FRMPD4: variants seen among roughly 807,000 people sequenced by gnomAD.
The protein encoded by FRMPD4 is FERM and PDZ domain containing 4, also known as FERM and PDZ domain-containing protein 4.
FRMPD4 carries 22 observed loss-of-function variants against 94.1 expected under a neutral mutation model. The observed-to-expected ratio is 0.23, with a 90% CI of 0.17 to 0.33. The LOEUF (loss-of-function observed/expected upper bound fraction) is 0.33, where lower values mean the gene tolerates loss of function less well. Among genes scored for constraint, FRMPD4 ranks in the 10% least tolerant of loss-of-function variants. The pLI, the probability that FRMPD4 is intolerant of heterozygous loss-of-function variation, is 1.00. For missense variants in FRMPD4, 1,111 were observed against 1,339.9 expected (o/e 0.83, Z 2.67); for synonymous variants, 631 against 548.6 (o/e 1.15, Z -2.10).
intron 3 of FRMPD4, among the ~76,000 whole-genome samples, chrX:11,989,060 T>A (rs1444920013): frequency 8.9e-6 from 1 of 111,900 alleles, no homozygotes; most frequent in Non-Finnish European, 1.9e-5. Flanking sequence ...TTCCTTAATA[T>A]ACTAAAAATA....
At chrX:11,856,907 C>T in intron 1 of FRMPD4, among the ~76,000 whole-genome samples, 2 of 111,668 alleles carry the variant, frequency 1.8e-5, no homozygotes, top group East Asian at 5.6e-4. Context: ...ATCCTAGACA[C>T]CAACAACAGT....
chrX:11,830,921 A>G (rs1420435929), intron 1 of FRMPD4, among the ~76,000 whole-genome samples: 1 of 111,525 alleles, frequency 9.0e-6, no homozygotes, highest in African/African-American at 3.3e-5. Flanking sequence ...GTCTTGCCTT[A>G]TATTTGGCTA....
chrX:12,567,624 G>T (rs917388829), intron 2 of FRMPD4, among the ~76,000 whole-genome samples: 2 of 111,850 alleles, frequency 1.8e-5, no homozygotes, highest in South Asian at 7.5e-4. Context: ...CCTACATGGT[G>T]AGCAGGGGTT....
At chrX:12,195,214 C>T (rs35868112) in intron 1 of FRMPD4, among the ~76,000 whole-genome samples, 28,563 of 111,050 alleles carry the variant, frequency 0.26, 2,992 homozygotes, top group Non-Finnish European at 0.35. Context: ...CTAACTGGAA[C>T]GTCACTAATG....
At chrX:12,645,838 T>A (rs775035155) in intron 4 of FRMPD4, among the ~76,000 whole-genome samples, 3 of 112,296 alleles carry the variant, frequency 2.7e-5, no homozygotes, top group Non-Finnish European at 5.6e-5. Context: ...GATTTTCGCA[T>A]GCATTTTGGT....
intron 2 of FRMPD4, among the ~76,000 whole-genome samples, chrX:12,599,326 A>G (rs1378741266): frequency 8.9e-6 from 1 of 111,751 alleles, no homozygotes; most frequent in East Asian, 2.8e-4. Context: ...ACATATGAGT[A>G]ATCAATTAAG....
At chrX:12,545,949 C>T (rs1162508610) in intron 2 of FRMPD4, among the ~76,000 whole-genome samples, 1 of 112,331 alleles carries the variant, frequency 8.9e-6, no homozygotes. Context: ...TTTTATCGTG[C>T]AACAGTTAAT....
At chrX:12,715,997 A>T in intron 14 of FRMPD4, 72 bp from the exon 15 acceptor site, 1 of 387,123 alleles carries the variant, frequency 2.6e-6, no homozygotes, top group Non-Finnish European at 4.6e-6. Flanking sequence ...AACAGAGACG[A>T]GCCTCCCACC....
intron 1 of FRMPD4, among the ~76,000 whole-genome samples, chrX:11,849,678 G>GTT (rs200493437): frequency 0.017 from 1,641 of 98,198 alleles, 48 homozygotes; most frequent in African/African-American, 0.057. Context: ...GAAAGGACAG[G>GTT]TTTTTTTTTT....
At chrX:12,003,957 A>G (rs911358561) in intron 3 of FRMPD4, among the ~76,000 whole-genome samples, 4 of 111,768 alleles carry the variant, frequency 3.6e-5, no homozygotes, top group African/African-American at 1.3e-4. Context: ...AATCTGCCTC[A>G]TCTCTCCTTC....
intron 3 of FRMPD4, among the ~76,000 whole-genome samples, chrX:12,089,180 T>A (rs2055134704): frequency 8.9e-6 from 1 of 112,253 alleles, no homozygotes; most frequent in South Asian, 3.7e-4. Context: ...AGAATATAGA[T>A]GTTTCTTTAT....
chrX:12,476,759 A>T (rs1355005127), intron 1 of FRMPD4, among the ~76,000 whole-genome samples: 1 of 111,821 alleles, frequency 8.9e-6, no homozygotes, highest in East Asian at 2.8e-4. Flanking sequence ...TCAAAACCAC[A>T]ATGAGATACG....
chrX:12,220,095 C>T (rs760990808), intron 1 of FRMPD4, among the ~76,000 whole-genome samples: 17 of 111,550 alleles, frequency 1.5e-4, no homozygotes, highest in African/African-American at 4.2e-4. Flanking sequence ...GAGCGGAGAT[C>T]GCACCATTGC....
At chrX:11,899,270 T>G (rs1373759237) in intron 3 of FRMPD4, among the ~76,000 whole-genome samples, 4 of 111,776 alleles carry the variant, frequency 3.6e-5, no homozygotes, top group Non-Finnish European at 5.6e-5. Context: ...AGAGGAATGT[T>G]GCAGAATAAT....
chrX:12,392,703 A>ACCTT (rs11471219), intron 1 of FRMPD4, among the ~76,000 whole-genome samples: 3 of 106,412 alleles, frequency 2.8e-5, no homozygotes, highest in Non-Finnish European at 5.8e-5. Context: ...TCTTTGACAG[A>ACCTT]CCTTCCTTCC....
rs1331955708 is a variant in FRMPD4, at chrX:12,720,561, G to A, written c.3992G>A (p.Arg1331Gln). 12 of 1,200,616 alleles carry A rather than the reference G, an allele frequency of 1.0e-5. No homozygotes were observed. Among genetic ancestry groups the A allele is most frequent in the Admixed American group, 6.6e-5 (3 of 45,436 alleles). Residue 1331 changes from arginine (R) to glutamine (Q), a missense_variant, in exon 17 of 17, where the codon CGA becomes CAA. By Grantham distance (43) the Arg-to-Gln change is conservative. Coordinates refer to ENST00000675598, the MANE Select transcript of FRMPD4 (RefSeq NM_001368397.1). Reference sequence around the variant, plus strand: ...TTGACAGAGCCTGGGAAGGAGAGACGAGGAGGCATGCCTTCAGCTTGGTCT... The same window carrying A: ...TTGACAGAGCCTGGGAAGGAGAGACAAGGAGGCATGCCTTCAGCTTGGTCT... ...TALTEPGKER[R>Q]GGMPSAWSQH...
chrX:12,362,667 C>T (rs1333151691), intron 1 of FRMPD4, among the ~76,000 whole-genome samples: 1 of 111,444 alleles, frequency 9.0e-6, no homozygotes, highest in South Asian at 3.7e-4. Context: ...AATAAACATA[C>T]GTGTGCATGT....
At chrX:11,999,059 A>G (rs939857798) in intron 3 of FRMPD4, among the ~76,000 whole-genome samples, 16 of 111,919 alleles carry the variant, frequency 1.4e-4, no homozygotes, top group Non-Finnish European at 2.6e-4. Flanking sequence ...TTATGTGTCT[A>G]TGGGATACAC....
At chrX:12,281,556 G>A (rs983814619) in intron 1 of FRMPD4, among the ~76,000 whole-genome samples, 5 of 109,989 alleles carry the variant, frequency 4.5e-5, no homozygotes, top group Non-Finnish European at 7.6e-5. Context: ...TGTGTTTTTA[G>A]TAAATGCAGG....
Sources: allele counts gnomAD v4.1 joint callset (sites outside exome capture counted in the v4.1 genomes callset), GRCh38; gene constraint gnomAD v4.1.1; transcripts MANE v1.5; gene names NCBI Gene and HGNC (gene_info 2026-07-23, HGNC 2026-07-21).